Variants in GLYATL3 observed in about 807,000 individuals in gnomAD.
GLYATL3 encodes the protein glycine-N-acyltransferase like 3, also known as glycine N-acyltransferase-like protein 3.
In GLYATL3, 31 loss-of-function variants were observed where a neutral mutation model predicts 28.5. The ratio of observed to expected loss-of-function variants is 1.09; its 90% CI spans 0.82 to 1.47. The LOEUF is 1.47. Ranked by LOEUF, GLYATL3 falls within the 40% of genes most tolerant of loss-of-function variation. The pLI is 0.00. For synonymous variants in GLYATL3, 141 were observed against 140.2 expected (o/e 1.01, Z -0.04); for missense variants, 369 against 351.5 (o/e 1.05, Z -0.40).
intron 1 of GLYATL3, among the ~76,000 whole-genome samples, chr6:49,509,901 A>G (rs1769080772): frequency 6.6e-6 from 1 of 151,762 alleles, no homozygotes; most frequent in Non-Finnish European, 1.5e-5. Context: ...GCCAAATTTT[A>G]ATTTAAACTT....
At chr6:49,500,862 C>G (rs1768900045) in intron 1 of GLYATL3, among the ~76,000 whole-genome samples, 1 of 152,134 alleles carries the variant, frequency 6.6e-6, no homozygotes, top group Non-Finnish European at 1.5e-5. Context: ...TTTTCTGCAT[C>G]AATGAGAATT....
chr6:49,507,715 A>G (rs1183339542), intron 1 of GLYATL3, among the ~76,000 whole-genome samples: 1 of 152,158 alleles, frequency 6.6e-6, no homozygotes, highest in Non-Finnish European at 1.5e-5. Flanking sequence ...CTGCAATGCA[A>G]TGGGACTCTC....
intron 4 of GLYATL3, among the ~76,000 whole-genome samples, chr6:49,519,278 T>TGTGA (rs3056253): frequency 0.46 from 70,284 of 151,570 alleles, 17,070 homozygotes; most frequent in East Asian, 0.62. Flanking sequence ...AGCTGATAGT[T>TGTGA]GTAAGTTATA....
In GLYATL3 at chr6:49,527,010, C is replaced by A; in HGVS notation, c.*96C>A. The A allele has an allele frequency of 1.1e-6, 1 of 925,808 alleles. No homozygotes were observed. Among genetic ancestry groups the A allele is most frequent in the Non-Finnish European group, 1.6e-6 (1 of 632,972 alleles). The allele number at this position is 925,808 out of a possible 1,614,324, so 57.3% of individuals were successfully genotyped here. A position where few individuals can be genotyped will look rare whatever the true frequency, so the allele number is the denominator to read the frequency against. On this transcript the variant is annotated 3_prime_UTR_variant, in exon 6 of 6. Transcript: ENST00000371197. ...GAGAGTTAAAATGGGAATCAGGGGA[C>A]TCTTGAGTTGTTGGAAAGGGTCTGG... is the stretch of plus-strand genomic sequence containing the variant.
At chr6:49,519,968 T>C (rs751386798) in intron 4 of GLYATL3, among the ~76,000 whole-genome samples, 6 of 152,208 alleles carry the variant, frequency 3.9e-5, no homozygotes, top group Non-Finnish European at 4.4e-5. Context: ...TGCTTATTGG[T>C]AACTAGTCTA....
In GLYATL3 at chr6:49,526,765, A is replaced by G. The variant is rs1342929201; in HGVS notation, c.718A>G (p.Ser240Gly). ...CCTCACGCTGGCCAGGAAGTTGCAA[A>G]GCCGGGGATTCCCCTCTCAGGGGAA... The part of the protein sequence containing the change: ...VALTLARKLQ[S>G]RGFPSQGNVL... Residue 240 changes from serine to glycine, a missense_variant, in exon 6 of 6, where the codon AGC becomes GGC. Physicochemically the swap from Ser to Gly is moderately conservative, Grantham distance 56 (BLOSUM62 0). Coordinates refer to ENST00000371197, the MANE Select transcript of GLYATL3 (RefSeq NM_001010904.2). 1 of 1,551,806 alleles carries G rather than the reference A, an allele frequency of 6.4e-7. No individual in the cohort carries two copies. Among genetic ancestry groups the G allele is most frequent in the Non-Finnish European group, 8.7e-7 (1 of 1,147,012 alleles).
chr6:49,512,160 T>C (rs1418605836), intron 2 of GLYATL3, 92 bp downstream of exon 2: 2 of 631,512 alleles, frequency 3.2e-6, no homozygotes, highest in Non-Finnish European at 5.4e-6. Context: ...TTTTTTCTGA[T>C]AATAAGACTC....
intron 1 of GLYATL3, among the ~76,000 whole-genome samples, chr6:49,501,979 G>C (rs1768921838): frequency 6.6e-6 from 1 of 152,204 alleles, no homozygotes; most frequent in Admixed American, 6.5e-5. Context: ...TGTCTGCAGG[G>C]GGAAGCACAT....
At chr6:49,525,742 G>A (rs1301509687) in intron 5 of GLYATL3, among the ~76,000 whole-genome samples, 1 of 152,044 alleles carries the variant, frequency 6.6e-6, no homozygotes, top group Non-Finnish European at 1.5e-5. Context: ...CAACAGTTAG[G>A]TATATTTGGG....
intron 1 of GLYATL3, among the ~76,000 whole-genome samples, chr6:49,501,809 A>G (rs1450775269): frequency 6.6e-6 from 1 of 152,230 alleles, no homozygotes; most frequent in Non-Finnish European, 1.5e-5. Context: ...TGAGCGTGTT[A>G]TAGCCCTATC....
chr6:49,515,601 G>A (rs1483082183), intron 2 of GLYATL3, 52 bp from the exon 3 acceptor site: 2 of 1,006,154 alleles, frequency 2.0e-6, no homozygotes, highest in Non-Finnish European at 3.1e-6. Flanking sequence ...GATAATATGT[G>A]AGTGAAACAG....
chr6:49,509,736 T>C (rs1769078755), intron 1 of GLYATL3, among the ~76,000 whole-genome samples: 1 of 152,200 alleles, frequency 6.6e-6, no homozygotes, highest in Non-Finnish European at 1.5e-5. Flanking sequence ...AATTGGGAAT[T>C]ACAAATAAAT....
intron 2 of GLYATL3, among the ~76,000 whole-genome samples, chr6:49,514,678 T>A (rs1229789901): frequency 6.6e-6 from 1 of 152,052 alleles, no homozygotes; most frequent in Non-Finnish European, 1.5e-5. Context: ...AAAAAAAATT[T>A]TTTTAATTAT....
intron 4 of GLYATL3, among the ~76,000 whole-genome samples, chr6:49,520,175 C>G (rs1360936919): frequency 6.6e-6 from 1 of 152,170 alleles, no homozygotes; most frequent in Non-Finnish European, 1.5e-5. Flanking sequence ...AAATCCAAGA[C>G]TGTGAAAACT....
chr6:49,512,386 A>G (rs1194878126), intron 2 of GLYATL3, among the ~76,000 whole-genome samples: 1 of 150,862 alleles, frequency 6.6e-6, no homozygotes, highest in Non-Finnish European at 1.5e-5. Context: ...TGCACCTATC[A>G]ACCCATCATC....
chr6:49,509,376 T>C (rs151050062), intron 1 of GLYATL3, among the ~76,000 whole-genome samples: 44 of 152,342 alleles, frequency 2.9e-4, no homozygotes, highest in African/African-American at 1.0e-3. Context: ...TAATATATAT[T>C]GTTGATTCAA....
intron 5 of GLYATL3, among the ~76,000 whole-genome samples, chr6:49,525,408 A>T (rs1264424620): frequency 2.5e-4 from 38 of 151,818 alleles, no homozygotes. Flanking sequence ...TCTACTAAAA[A>T]TACAAAAATT....
At chr6:49,510,798 G>C (rs1006974110) in intron 1 of GLYATL3, among the ~76,000 whole-genome samples, 3 of 152,142 alleles carry the variant, frequency 2.0e-5, no homozygotes, top group African/African-American at 7.2e-5. Context: ...AATCTCTTCT[G>C]ACTCCTGCAG....
At chr6:49,510,304 AG>A in intron 1 of GLYATL3, among the ~76,000 whole-genome samples, 1 of 152,162 alleles carries the variant, frequency 6.6e-6, no homozygotes, top group Middle Eastern at 3.4e-3. Context: ...GGCCTTCCAA[AG>A]TGCTGGGATT....
Sources: allele counts gnomAD v4.1 joint callset (sites outside exome capture counted in the v4.1 genomes callset), GRCh38; gene constraint gnomAD v4.1.1; transcripts MANE v1.5; gene names NCBI Gene and HGNC (gene_info 2026-07-23, HGNC 2026-07-21).